CTNND2: variants seen among roughly 807,000 people sequenced by gnomAD.
CTNND2 encodes catenin delta 2.
A neutral mutation model predicts 144.4 loss-of-function variants in CTNND2; 22 were observed. The ratio of observed to expected loss-of-function variants is 0.15; its 90% confidence interval spans 0.11 to 0.22. The LOEUF is 0.22. Among genes scored for constraint, CTNND2 ranks in the 10% least tolerant of loss-of-function variants. The probability of loss-of-function intolerance (pLI) is 1.00; values close to 1 mark genes in which losing one functional copy is unlikely to be tolerated. For missense variants in CTNND2, 1,353 were observed against 1,618.8 expected, an observed-to-expected ratio of 0.84 and a Z score of 2.82; for synonymous variants, 751 against 695.6, an observed-to-expected ratio of 1.08 and a Z score of -1.25.
chr5:11,426,491 T>G (rs1762788604), intron 3 of CTNND2, among the ~76,000 whole-genome samples: 1 of 152,162 alleles, frequency 6.6e-6, no homozygotes, highest in Non-Finnish European at 1.5e-5. Context: ...ATCTGACAGG[T>G]CAATGGAGCA....
intron 18 of CTNND2, among the ~76,000 whole-genome samples, chr5:10,994,577 G>A (rs973966800): frequency 1.3e-5 from 2 of 152,058 alleles, no homozygotes; most frequent in Admixed American, 6.5e-5. Flanking sequence ...GAGCCTTAAC[G>A]TTGCAGAAGG....
intron 2 of CTNND2, among the ~76,000 whole-genome samples, chr5:11,720,812 T>C (rs1786633402): frequency 6.6e-6 from 1 of 152,208 alleles, no homozygotes; most frequent in East Asian, 1.9e-4. Context: ...CTCAGCTCAC[T>C]ATTCTGCCTA....
intron 3 of CTNND2, among the ~76,000 whole-genome samples, chr5:11,546,551 T>C (rs1422731819): frequency 6.6e-6 from 1 of 152,174 alleles, no homozygotes; most frequent in Non-Finnish European, 1.5e-5. Context: ...CAGATCAACA[T>C]AAAGAATCTA....
intron 18 of CTNND2, among the ~76,000 whole-genome samples, chr5:10,999,612 GC>G (rs1739712061): frequency 6.6e-6 from 1 of 152,212 alleles, no homozygotes; most frequent in Non-Finnish European, 1.5e-5. Context: ...GTGCCCTTCA[GC>G]TGAAGACGCA....
chr5:11,628,146 C>G (rs1339055906), intron 2 of CTNND2, among the ~76,000 whole-genome samples: 1 of 152,078 alleles, frequency 6.6e-6, no homozygotes, highest in Non-Finnish European at 1.5e-5. Context: ...AGCTATTATA[C>G]AGATTCCACA....
At chr5:11,354,820 A>T (rs1363940) in intron 8 of CTNND2, among the ~76,000 whole-genome samples, 1 of 151,966 alleles carries the variant, frequency 6.6e-6, no homozygotes, top group African/African-American at 2.4e-5. Context: ...ACTGCACATG[A>T]AACATTCTCC....
intron 2 of CTNND2, among the ~76,000 whole-genome samples, chr5:11,572,167 G>A (rs773596630): frequency 3.9e-5 from 6 of 152,024 alleles, no homozygotes; most frequent in Admixed American, 6.6e-5. Flanking sequence ...AATCTAAAAC[G>A]CCCCAGGTCT....
intron 1 of CTNND2, among the ~76,000 whole-genome samples, chr5:11,737,103 G>A (rs1787724953): frequency 6.6e-6 from 1 of 152,080 alleles, no homozygotes; most frequent in South Asian, 2.1e-4. Flanking sequence ...AGTAGAATTG[G>A]TAAAATAAGG....
At chr5:11,866,776 G>C (rs986955171) in intron 1 of CTNND2, among the ~76,000 whole-genome samples, 9 of 152,290 alleles carry the variant, frequency 5.9e-5, no homozygotes, top group Admixed American at 5.9e-4. Context: ...CGCACAGGGA[G>C]AAAGAGAAAT....
At chr5:11,561,123 G>C (rs902083356) in intron 3 of CTNND2, among the ~76,000 whole-genome samples, 19 of 152,310 alleles carry the variant, frequency 1.2e-4, no homozygotes, top group African/African-American at 4.3e-4. Context: ...GCATGAGCCA[G>C]ATCATTGTAC....
At chr5:11,586,251 C>T (rs1778855572) in intron 2 of CTNND2, among the ~76,000 whole-genome samples, 1 of 152,158 alleles carries the variant, frequency 6.6e-6, no homozygotes, top group African/African-American at 2.4e-5. Flanking sequence ...TTCATGCTCT[C>T]CTTGGCCACG....
intron 12 of CTNND2, among the ~76,000 whole-genome samples, chr5:11,157,847 G>A (rs1758371594): frequency 6.6e-6 from 1 of 152,194 alleles, no homozygotes; most frequent in Non-Finnish European, 1.5e-5. Flanking sequence ...GTGTCGAGCT[G>A]CTGTATGTGT....
intron 2 of CTNND2, among the ~76,000 whole-genome samples, chr5:11,567,040 A>C (rs1045008528): frequency 1.2e-4 from 19 of 152,172 alleles, no homozygotes; most frequent in Non-Finnish European, 2.9e-5. Context: ...TCATTTTGGA[A>C]GACGTTTTTG....
intron 1 of CTNND2, among the ~76,000 whole-genome samples, chr5:11,752,866 T>C (rs1788706195): frequency 6.6e-6 from 1 of 151,878 alleles, no homozygotes. Context: ...AGCAGTATTT[T>C]GTAATTCTCA....
rs531881706 is a variant in CTNND2, at chr5:11,296,679, T to C, written c.1628+49693A>G. ...TAAAAAATGATGAGTTCATGTCCTT[T>C]GTAGGGACAAGGATGAGGCTGGAAA... is the stretch of plus-strand genomic sequence containing the variant. On this transcript the variant is annotated intron_variant, in intron 9 of 21. Coordinates refer to ENST00000304623, the MANE Select transcript of CTNND2 (RefSeq NM_001332.4). 3.3e-5 allele frequency among the ~76,000 whole-genome samples: 5 copies of C among 152,330 alleles called. 1 individual carries two copies. Among genetic ancestry groups the C allele is most frequent in the South Asian group, 4.1e-4 (2 of 4,826 alleles).
chr5:11,779,664 C>T (rs1359182154), intron 1 of CTNND2, among the ~76,000 whole-genome samples: 3 of 152,180 alleles, frequency 2.0e-5, no homozygotes, highest in East Asian at 1.9e-4. Flanking sequence ...TATGAGGAGT[C>T]GCCACTTGCT....
At chr5:11,861,836 G>C (rs1795518467) in intron 1 of CTNND2, among the ~76,000 whole-genome samples, 1 of 152,058 alleles carries the variant, frequency 6.6e-6, no homozygotes, top group African/African-American at 2.4e-5. Flanking sequence ...TGGACTCCTT[G>C]GCATTTCTTG....
At chr5:11,046,731 TAAATA>T (rs1233279964) in intron 16 of CTNND2, among the ~76,000 whole-genome samples, 2 of 152,040 alleles carry the variant, frequency 1.3e-5, no homozygotes, top group Non-Finnish European at 2.9e-5. Context: ...CAAAAGCAAA[TAAATA>T]AAATAAATAA....
intron 2 of CTNND2, among the ~76,000 whole-genome samples, chr5:11,601,073 A>G (rs1779767425): frequency 6.6e-6 from 1 of 152,178 alleles, no homozygotes; most frequent in Admixed American, 6.6e-5. Flanking sequence ...ATATATATAG[A>G]TGTAGAAATA....
Sources: allele counts gnomAD v4.1 joint callset (sites outside exome capture counted in the v4.1 genomes callset), GRCh38; gene constraint gnomAD v4.1.1; transcripts MANE v1.5; gene names NCBI Gene and HGNC (gene_info 2026-07-23, HGNC 2026-07-21).